CSPG4: variants seen among roughly 807,000 people sequenced by gnomAD.
CSPG4 encodes the protein chondroitin sulfate proteoglycan 4, also known as chondroitin sulfate proteoglycan 4 (melanoma-associated).
In CSPG4, 74 loss-of-function variants were observed where a neutral mutation model predicts 139.3. The observed-to-expected ratio is 0.53, with a 90% CI of 0.44 to 0.64. CSPG4 has a LOEUF of 0.64. Among genes scored for constraint, CSPG4 ranks in the 30% least tolerant of loss-of-function variants. The pLI, the probability that CSPG4 is intolerant of heterozygous loss-of-function variation, is 0.00. For missense variants in CSPG4, 2,565 were observed against 3,148.3 expected, an observed-to-expected ratio of 0.81 and a Z score of 4.43; for synonymous variants, 1,234 against 1,394.2, an observed-to-expected ratio of 0.89 and a Z score of 2.56.
chr15:75,712,782 C>A lies in CSPG4; in HGVS notation c.-27G>T, dbSNP rs563016906. ...CCGGCGGGCTGGGCGGCAGGACTTG[C>A]GAGGAGCCAGCGGAGTCCTGGGAGC... On this transcript the variant is annotated 5_prime_UTR_variant, in exon 1 of 10. Transcript: ENST00000308508. The A allele has an allele frequency of 6.6e-7, 1 of 1,526,632 alleles. No homozygotes were observed. The highest frequency in any genetic ancestry group is 8.8e-7 in the Non-Finnish European group (1 of 1,135,008). The allele number at this position is 1,526,632 out of a possible 1,614,324, so 94.6% of individuals were successfully genotyped here.
chr15:75,695,500 G>C (rs1894214191), intron 1 of CSPG4, among the ~76,000 whole-genome samples: 1 of 152,196 alleles, frequency 6.6e-6, no homozygotes, highest in Admixed American at 6.5e-5. Context: ...GCGTGGCCAG[G>C]CAGCCCCCCA....
chr15:75,685,320 G>A lies in CSPG4; in HGVS notation c.4171C>T (p.Leu1391=). The change falls in exon 4 of 10, where the codon CTG becomes TTG. Residue 1391 remains leucine, a synonymous_variant. Coordinates refer to ENST00000308508, the MANE Select transcript of CSPG4 (RefSeq NM_001897.5). ...RVSGPYFPTL[L]GLSLQVLEPP... is the part of the protein sequence containing the mutation. ...TCCAGCACCTGCAGGCTGAGGCCCA[G>A]GAGAGTGGGGAAGTAGGGCCCGGAG... The A allele has an allele frequency of 6.2e-7, 1 of 1,604,292 alleles. No individual in the cohort carries two copies. The highest frequency in any genetic ancestry group is 8.5e-7 in the Non-Finnish European group (1 of 1,174,764).
Position 75,690,218 on chromosome 15 carries a change from G to A in CSPG4, c.847C>T (p.Gln283Ter), listed in dbSNP as rs1460073188. ...LHNSVPVADGQPHEVSVHINA... is the reference protein window; with the variant it reads ...LHNSVPVADG Reference sequence around the variant, plus strand: ...ATGTGGACACTGACCTCATGGGGCTGCCCATCGGCCACAGGCACACTGTTG... The same window carrying A: ...ATGTGGACACTGACCTCATGGGGCTACCCATCGGCCACAGGCACACTGTTG... The change falls in exon 3 of 10, where the codon CAG (glutamine) becomes TAG (stop). Residue 283 changes from glutamine to a stop codon, truncating the protein, a stop_gained. Coordinates refer to ENST00000308508, the MANE Select transcript of CSPG4 (RefSeq NM_001897.5). LOFTEE classifies it high-confidence loss of function. The A allele has an allele frequency of 6.2e-7, 1 of 1,613,278 alleles. No homozygotes were observed.
intron 8 of CSPG4, among the ~76,000 whole-genome samples, chr15:75,682,040 A>G (rs1040534899): frequency 1.3e-5 from 2 of 151,812 alleles, no homozygotes; most frequent in Non-Finnish European, 2.9e-5. Context: ...ATACCCCAAG[A>G]CCCCAGCCCT....
Position 75,688,037 on chromosome 15 carries a change from C to G in CSPG4, c.3028G>C (p.Ala1010Pro). 6.2e-7 allele frequency: 1 copy of G among 1,611,854 alleles called. No individual in the cohort carries two copies. The highest frequency in any genetic ancestry group is 1.1e-5 in the South Asian group (1 of 90,900). The change falls in exon 3 of 10, where the codon GCC (alanine) becomes CCC (proline). Residue 1010 changes from alanine to proline, a missense_variant. Around this residue, in one of 5 missense-constraint regions of CSPG4, gnomAD observed 2,316 missense variants for 2,818.2 expected, o/e 0.82. Coordinates refer to ENST00000308508, the MANE Select transcript of CSPG4 (RefSeq NM_001897.5). Reference sequence around the variant, plus strand: ...GCGTGGTCATTCACGGGCTGGATGGCCACTCGGAAGACACCCCGTACCTCC... The same window carrying G: ...GCGTGGTCATTCACGGGCTGGATGGGCACTCGGAAGACACCCCGTACCTCC... ...WEEVRGVFRV[A>P]IQPVNDHAPV...
intron 1 of CSPG4, among the ~76,000 whole-genome samples, chr15:75,705,729 C>A (rs1385554957): frequency 6.6e-6 from 1 of 152,118 alleles, no homozygotes; most frequent in Non-Finnish European, 1.5e-5. Flanking sequence ...AGAGATGGGG[C>A]CTGGGTCAGG....
chr15:75,691,461 G>A (rs1361781729), intron 2 of CSPG4, among the ~76,000 whole-genome samples: 3 of 152,210 alleles, frequency 2.0e-5, no homozygotes, highest in African/African-American at 7.2e-5. Flanking sequence ...CCTTGAGTGA[G>A]AGGTGCCAGA....
chr15:75,688,418 A>C lies in CSPG4; in HGVS notation c.2647T>G (p.Phe883Val), dbSNP rs755628166. 3 of 1,613,158 alleles carry C rather than the reference A, an allele frequency of 1.9e-6. No homozygotes were observed. In the South Asian group the frequency reaches 3.3e-5, roughly 18 times the overall value. The change falls in exon 3 of 10, where the codon TTC becomes GTC. Residue 883 changes from phenylalanine (F) to valine (V), a missense_variant. Coordinates refer to ENST00000308508, the MANE Select transcript of CSPG4 (RefSeq NM_001897.5). The part of the protein sequence containing the change: ...FRFRVTAPPY[F>V]SPLYTFPIHI... The stretch of plus-strand genomic sequence containing the variant: ...ATGGGGAAGGTATAGAGTGGGGAGA[A>C]ATATGGTGGAGCTGTGACACGGAAA...
chr15:75,696,176 C>T lies in CSPG4; in HGVS notation c.89-2943G>A, dbSNP rs1317475402. ...CCATTCTGTAAAATGGGCACAGTCC[C>T]TCCCACCCCTTCCCCCTCCTGACTG... On this transcript the variant is annotated intron_variant, in intron 1 of 9. Coordinates refer to ENST00000308508, the MANE Select transcript of CSPG4 (RefSeq NM_001897.5). The surrounding 1 kb of genome is among the most constrained non-coding windows in gnomAD (Gnocchi z 4.2). 3.3e-5 allele frequency among the ~76,000 whole-genome samples: 5 copies of T among 152,180 alleles called. No individual in the cohort carries two copies. The highest frequency in any genetic ancestry group is 4.8e-5 in the African/African-American group (2 of 41,448).
chr15:75,685,733 G>C, intron 3 of CSPG4, 32 bp from the exon 4 acceptor site: 6 of 1,554,920 alleles, frequency 3.9e-6, no homozygotes, highest in Non-Finnish European at 5.2e-6. Context: ...GACTCACAGG[G>C]GGCCACAGAG....
intron 1 of CSPG4, among the ~76,000 whole-genome samples, chr15:75,695,793 T>C (rs1375111935): frequency 1.3e-5 from 2 of 151,042 alleles, no homozygotes; most frequent in Non-Finnish European, 3.0e-5. Flanking sequence ...GAGGGAGGAA[T>C]AGGCAGTCTC....
rs779568251 is a variant in CSPG4 at position 75,688,541 on chromosome 15, A to G, written c.2524T>C (p.Ser842Pro). ...GNLQLQGTRL[S>P]DGQGFTQDDI... ...TCCTGGGTGAAGCCCTGGCCATCTG[A>G]CAGCCTTGTGCCCTGTAGTTGAAGG... The change falls in exon 3 of 10, where the codon TCA (serine) becomes CCA (proline). Residue 842 changes from serine (S) to proline (P), a missense_variant. Transcript: ENST00000308508. 1.9e-6 allele frequency: 3 copies of G among 1,612,990 alleles called. No homozygotes were observed. Among genetic ancestry groups the G allele is most frequent in the Admixed American group, 3.3e-5 (2 of 60,000 alleles).
chr15:75,709,704 A>G (rs1371178322), intron 1 of CSPG4, among the ~76,000 whole-genome samples: 1 of 151,936 alleles, frequency 6.6e-6, no homozygotes, highest in Non-Finnish European at 1.5e-5. Flanking sequence ...CCCAGTTCCC[A>G]GACACAGCCT....
chr15:75,701,553 C>T (rs1255779204), intron 1 of CSPG4, among the ~76,000 whole-genome samples: 5 of 152,284 alleles, frequency 3.3e-5, no homozygotes, highest in East Asian at 1.9e-4. Flanking sequence ...AGCACCCCCA[C>T]CTGCCAACTG....
In CSPG4 at chr15:75,682,191, A is replaced by T; in HGVS notation, c.4950+102T>A. Reference sequence around the variant, plus strand: ...GGCAGGCCCGGGAACGTCTGCTGCCAGTGATGCTGGAGCTGGCATCCATGT... The same window carrying T: ...GGCAGGCCCGGGAACGTCTGCTGCCTGTGATGCTGGAGCTGGCATCCATGT... On this transcript the variant is annotated intron_variant, in intron 8 of 9. Transcript: ENST00000308508. 2.8e-6 allele frequency: 4 copies of T among 1,422,686 alleles called. No homozygotes were observed. In the South Asian group the frequency reaches 4.7e-5, roughly 17 times the overall value. The allele number at this position is 1,422,686 out of a possible 1,614,324, so 88.1% of individuals were successfully genotyped here.
chr15:75,695,517 C>A (rs969512251), intron 1 of CSPG4, among the ~76,000 whole-genome samples: 2 of 152,184 alleles, frequency 1.3e-5, no homozygotes, highest in African/African-American at 4.8e-5. Flanking sequence ...CCCACCCCAA[C>A]AGAGGCCTCT....
chr15:75,694,648 A>G (rs1894204240), intron 1 of CSPG4, among the ~76,000 whole-genome samples: 1 of 152,264 alleles, frequency 6.6e-6, no homozygotes, highest in Non-Finnish European at 1.5e-5. Flanking sequence ...GGGATGTCCA[A>G]GAAAGATCCC....
chr15:75,689,964 C>T lies in CSPG4; in HGVS notation c.1101G>A (p.Leu367=), dbSNP rs762055286. The T allele has an allele frequency of 6.8e-6, 11 of 1,610,454 alleles. No homozygotes were observed. Among genetic ancestry groups the T allele is most frequent in the African/African-American group, 6.7e-5 (5 of 74,906 alleles). Residue 367 remains leucine, a synonymous_variant, in exon 3 of 10, where the codon CTG becomes CTA. Coordinates refer to ENST00000308508, the MANE Select transcript of CSPG4 (RefSeq NM_001897.5). ...TGTTGCGCGTCAGCAAAGCTTCCCG[C>T]AGCCCCCGCCTCTGGCCATTGACAC... The part of the protein sequence containing the change: ...DLSVNGQRRG[L]REALLTRNMA...
intron 1 of CSPG4, among the ~76,000 whole-genome samples, chr15:75,705,878 T>C (rs775198116): frequency 4.6e-5 from 7 of 152,162 alleles, no homozygotes; most frequent in Non-Finnish European, 8.8e-5. Flanking sequence ...CATATGTGTG[T>C]GTCTGTGCCT....
Sources: allele counts gnomAD v4.1 joint callset (sites outside exome capture counted in the v4.1 genomes callset), GRCh38; gene constraint gnomAD v4.1.1; regional missense constraint gnomAD v4.1.1; non-coding constraint Gnocchi (gnomAD v3.1); transcripts MANE v1.5; gene names NCBI Gene and HGNC (gene_info 2026-07-23, HGNC 2026-07-21).